The following ARHGAP42 variants were observed in gnomAD, a reference collection of about 807,000 sequenced individuals.
The protein encoded by ARHGAP42 is Rho GTPase activating protein 42.
ARHGAP42 carries 63 observed loss-of-function variants against 125.0 expected under a neutral mutation model. That is an observed-to-expected ratio of 0.50 (90% CI 0.41 to 0.62). The LOEUF is 0.62. ARHGAP42 is among the 20% of genes least tolerant of loss of function. The pLI, the probability that ARHGAP42 is intolerant of heterozygous loss-of-function variation, is 0.00. For missense variants in ARHGAP42, 766 were observed against 1,024.2 expected, an observed-to-expected ratio of 0.75 and a Z score of 3.44; for synonymous variants, 339 against 351.0, an observed-to-expected ratio of 0.97 and a Z score of 0.38.
intron 3 of ARHGAP42, among the ~76,000 whole-genome samples, chr11:100,824,397 A>G (rs904391856): frequency 1.3e-5 from 2 of 152,286 alleles, no homozygotes; most frequent in South Asian, 4.1e-4. Flanking sequence ...CTAGAAAGGG[A>G]TGACAGGAAA....
Position 100,751,024 on chromosome 11 carries a change from T to C in ARHGAP42, c.155-19319T>C, listed in dbSNP as rs546256128. Among the ~76,000 whole-genome samples, 6 of 150,000 alleles carry C rather than the reference T, an allele frequency of 4.0e-5. No homozygotes were observed. In the South Asian group the frequency reaches 1.3e-3, roughly 33 times the overall value. Reference sequence around the variant, plus strand: ...CATGATCTTGGCTCACTGCAACTTCTACCTCCCAGTTTCAAGTGATTCTCC... The same window carrying C: ...CATGATCTTGGCTCACTGCAACTTCCACCTCCCAGTTTCAAGTGATTCTCC... On this transcript the variant is annotated intron_variant, in intron 1 of 23. Transcript: ENST00000298815.
chr11:100,798,406 G>A (rs1863770770), intron 3 of ARHGAP42, among the ~76,000 whole-genome samples: 1 of 152,188 alleles, frequency 6.6e-6, no homozygotes, highest in Non-Finnish European at 1.5e-5. Flanking sequence ...CCGGCCTTCA[G>A]CAACCACCAC....
At chr11:100,898,649 C>G (rs1420493322) in intron 4 of ARHGAP42, among the ~76,000 whole-genome samples, 1 of 152,108 alleles carries the variant, frequency 6.6e-6, no homozygotes, top group Non-Finnish European at 1.5e-5. Context: ...ATAGTATTCT[C>G]TGGTGGTAGT....
At chr11:100,765,080 A>G (rs1565204352) in intron 1 of ARHGAP42, among the ~76,000 whole-genome samples, 1 of 152,218 alleles carries the variant, frequency 6.6e-6, no homozygotes, top group Non-Finnish European at 1.5e-5. Flanking sequence ...TAGGTAGAGT[A>G]ACAATAAAAA....
chr11:100,903,129 A>G (rs1036368567), intron 4 of ARHGAP42, among the ~76,000 whole-genome samples: 3 of 151,278 alleles, frequency 2.0e-5, no homozygotes, highest in East Asian at 1.9e-4. Flanking sequence ...ACACACACAC[A>G]CACACACACA....
intron 15 of ARHGAP42, 22 bp from the exon 16 acceptor site, chr11:100,962,387 G>A (rs1857978606): frequency 6.5e-7 from 1 of 1,544,756 alleles, no homozygotes; most frequent in African/African-American, 1.4e-5. Flanking sequence ...ATTCTAACAT[G>A]TGTTTCCTTT....
intron 5 of ARHGAP42, among the ~76,000 whole-genome samples, chr11:100,920,754 T>A (rs1867216280): frequency 6.6e-6 from 1 of 152,174 alleles, no homozygotes; most frequent in Non-Finnish European, 1.5e-5. Flanking sequence ...CAATCAGATA[T>A]AATAAAAGTG....
intron 3 of ARHGAP42, among the ~76,000 whole-genome samples, chr11:100,822,744 C>T (rs1864432247): frequency 6.6e-6 from 1 of 152,058 alleles, no homozygotes; most frequent in African/African-American, 2.4e-5. Flanking sequence ...GATTGTTACC[C>T]TTTTTTCCCA....
intron 3 of ARHGAP42, among the ~76,000 whole-genome samples, chr11:100,818,296 G>T (rs1187330289): frequency 1.3e-5 from 2 of 151,798 alleles, no homozygotes; most frequent in Non-Finnish European, 2.9e-5. Context: ...TGCCATGATA[G>T]ATACGATTGA....
chr11:100,722,719 G>A (rs113635660), intron 1 of ARHGAP42, among the ~76,000 whole-genome samples: 4,047 of 152,272 alleles, frequency 0.027, 68 homozygotes, highest in Non-Finnish European at 0.031. Flanking sequence ...TACGTCATAT[G>A]TTTTGCAAAG....
intron 1 of ARHGAP42, among the ~76,000 whole-genome samples, chr11:100,690,144 C>CA (rs1359652112): frequency 6.6e-6 from 1 of 152,208 alleles, no homozygotes; most frequent in African/African-American, 2.4e-5. Flanking sequence ...CTTCTTCCCC[C>CA]AGTCTGTCTT....
chr11:100,911,458 G>A (rs1866915004), intron 4 of ARHGAP42, among the ~76,000 whole-genome samples: 1 of 152,040 alleles, frequency 6.6e-6, no homozygotes, highest in African/African-American at 2.4e-5. Flanking sequence ...ATTTATTTGA[G>A]CTGGATGCTA....
intron 12 of ARHGAP42, 109 bp downstream of exon 12, chr11:100,950,065 C>T: frequency 1.9e-6 from 1 of 527,318 alleles, no homozygotes; most frequent in African/African-American, 1.9e-5. Flanking sequence ...CCATTGATCT[C>T]ATGGTACAGC....
At chr11:100,793,475 T>A (rs1018264165) in intron 2 of ARHGAP42, among the ~76,000 whole-genome samples, 10 of 152,224 alleles carry the variant, frequency 6.6e-5, no homozygotes, top group Non-Finnish European at 1.0e-4. Context: ...TTGATTTCTG[T>A]TTTGGTAACT....
At chr11:100,735,654 G>A (rs2120324731) in intron 1 of ARHGAP42, among the ~76,000 whole-genome samples, 2 of 139,564 alleles carry the variant, frequency 1.4e-5, no homozygotes, top group Non-Finnish European at 3.0e-5. Context: ...TGTTGCCCAG[G>A]CTGGAGTGCA....
chr11:100,792,659 C>G (rs1032401164), intron 2 of ARHGAP42, among the ~76,000 whole-genome samples: 2 of 151,882 alleles, frequency 1.3e-5, no homozygotes, highest in Non-Finnish European at 2.9e-5. Flanking sequence ...TGACTTTGTA[C>G]ATATTAGTTA....
At chr11:100,753,731 G>A (rs557605463) in intron 1 of ARHGAP42, among the ~76,000 whole-genome samples, 9 of 152,206 alleles carry the variant, frequency 5.9e-5, no homozygotes, top group South Asian at 2.1e-4. Flanking sequence ...ATGCCCCACC[G>A]CTTGCTATAT....
chr11:100,959,924 A>G lies in ARHGAP42; in HGVS notation c.1204A>G (p.Ile402Val), dbSNP rs764921312. Residue 402 changes from isoleucine to valine, a missense_variant, in exon 13 of 24, where the codon ATT (isoleucine) becomes GTT (valine). Physicochemically the swap from Ile to Val is conservative, Grantham distance 29. This residue lies in a region of ARHGAP42 where 455 missense variants were observed against 636.5 expected (regional missense o/e 0.71). Transcript: ENST00000298815. ...EAGFNFVRKCIQAVETRGITI... is the reference protein window; with the variant it reads ...EAGFNFVRKCVQAVETRGITI... Reference sequence around the variant, plus strand: ...AGGGTTCAACTTTGTGAGAAAATGCATTCAAGCTGTGGAAACAAGAGGTCA... The same window carrying G: ...AGGGTTCAACTTTGTGAGAAAATGCGTTCAAGCTGTGGAAACAAGAGGTCA... The G allele has an allele frequency of 6.6e-5, 102 of 1,551,386 alleles. No individual in the cohort carries two copies. Among genetic ancestry groups the G allele is most frequent in the Non-Finnish European group, 8.5e-5 (97 of 1,146,602 alleles).
At chr11:100,740,580 A>AG (rs1377979355) in intron 1 of ARHGAP42, among the ~76,000 whole-genome samples, 1 of 152,212 alleles carries the variant, frequency 6.6e-6, no homozygotes, top group East Asian at 1.9e-4. Flanking sequence ...TTTATGGTAT[A>AG]GGGGGAGGAG....
Sources: allele counts gnomAD v4.1 joint callset (sites outside exome capture counted in the v4.1 genomes callset), GRCh38; gene constraint gnomAD v4.1.1; regional missense constraint gnomAD v4.1.1; transcripts MANE v1.5; gene names NCBI Gene and HGNC (gene_info 2026-07-23, HGNC 2026-07-21).